CRBN: variants seen among roughly 807,000 people sequenced by gnomAD.
The protein encoded by CRBN is cereblon.
In CRBN, 53 loss-of-function variants were observed where a neutral mutation model predicts 62.2. The observed-to-expected ratio is 0.85, with a 90% confidence interval of 0.68 to 1.07. CRBN has a LOEUF of 1.07. CRBN is among the 50% of genes least tolerant of loss of function. The pLI is 0.00. For synonymous variants in CRBN, 208 were observed against 176.1 expected (o/e 1.18, Z -1.43); for missense variants, 616 against 531.1 (o/e 1.16, Z -1.57).
At chr3:3,156,340 G>C in intron 5 of CRBN, 59 bp from the exon 6 acceptor site, 1 of 1,436,292 alleles carries the variant, frequency 7.0e-7, no homozygotes, top group East Asian at 2.3e-5. Flanking sequence ...TCTAATGCTG[G>C]AATGAGCAAC....
At chr3:3,157,987 C>A (rs1706976002) in intron 5 of CRBN, among the ~76,000 whole-genome samples, 1 of 152,122 alleles carries the variant, frequency 6.6e-6, no homozygotes. Flanking sequence ...AAAACACGAC[C>A]TACAGCTCAA....
chr3:3,179,529 C>A (rs1707981625), intron 1 of CRBN, 92 bp downstream of exon 1: 2 of 1,286,880 alleles, frequency 1.6e-6, no homozygotes, highest in South Asian at 1.2e-5. Flanking sequence ...AGGCTTGGCG[C>A]CCCCACGCCC....
chr3:3,151,116 A>T (rs1221081101), intron 10 of CRBN, 71 bp from the exon 11 acceptor site: 17 of 1,520,194 alleles, frequency 1.1e-5, no homozygotes, highest in Non-Finnish European at 1.5e-5. Context: ...TAAACCTATC[A>T]TGAAGACAGA....
Position 3,175,288 on chromosome 3 carries a change from G to GT in CRBN, c.68-20dup, listed in dbSNP as rs1480746186. The GT allele has an allele frequency of 1.3e-6, 2 of 1,492,222 alleles. No homozygotes were observed. Among genetic ancestry groups the GT allele is most frequent in the Admixed American group, 1.7e-5 (1 of 57,914 alleles). The allele number at this position is 1,492,222 out of a possible 1,614,324, so 92.4% of individuals were successfully genotyped here. On this transcript the variant is annotated intron_variant, in intron 1 of 10. Transcript: ENST00000231948. ...CTCTCTGCTATAAAAGTAGAATATT[G>GT]TAAGAAAAAAAAAAAGATGAATGAA... is the stretch of plus-strand genomic sequence containing the variant.
intron 5 of CRBN, among the ~76,000 whole-genome samples, chr3:3,164,074 G>C (rs772724636): frequency 6.6e-6 from 1 of 152,124 alleles, no homozygotes; most frequent in Non-Finnish European, 1.5e-5. Context: ...AATGTGTTTT[G>C]ATTGCTCCAC....
chr3:3,152,516 T>TA lies in CRBN; in HGVS notation c.1087dup (p.Tyr363LeufsTer2). The stretch of plus-strand genomic sequence containing the variant: ...TATCAGATTCAAGTTGCAAGCCTTA[T>TA]ACACAGTAAGTGTCTCATGCACATA... On this transcript the variant is annotated frameshift_variant, in exon 10 of 11. Coordinates refer to ENST00000231948, the MANE Select transcript of CRBN (RefSeq NM_016302.4). LOFTEE classifies it high-confidence loss of function. 2 of 1,614,074 alleles carry TA rather than the reference T, an allele frequency of 1.2e-6. No homozygotes were observed. Among genetic ancestry groups the TA allele is most frequent in the Non-Finnish European group, 8.5e-7 (1 of 1,179,982 alleles).
chr3:3,158,216 C>G (rs1245217844), intron 5 of CRBN, among the ~76,000 whole-genome samples: 1 of 152,184 alleles, frequency 6.6e-6, no homozygotes, highest in African/African-American at 2.4e-5. Flanking sequence ...AGATCCCTCC[C>G]ATGCGCAGTT....
In CRBN at chr3:3,179,613, G is replaced by C. The variant is rs1422796615; in HGVS notation, c.67+8C>G. On this transcript the variant is annotated splice_region_variant and intron_variant, in intron 1 of 10. Transcript: ENST00000231948. ...TCCCGACTACAGGGAACTACTCCGGGCGGTTACCAGGCAGGAGCGGCAGGT... is the reference window on the plus strand; with the variant it reads ...TCCCGACTACAGGGAACTACTCCGGCCGGTTACCAGGCAGGAGCGGCAGGT... The C allele has an allele frequency of 6.2e-7, 1 of 1,613,470 alleles. No individual in the cohort carries two copies. The highest frequency in any genetic ancestry group is 2.2e-5 in the East Asian group (1 of 44,864).
chr3:3,179,353 A>C (rs1707969605), intron 1 of CRBN, among the ~76,000 whole-genome samples: 1 of 152,156 alleles, frequency 6.6e-6, no homozygotes, highest in Non-Finnish European at 1.5e-5. Flanking sequence ...GAACACAAGG[A>C]GGATGGAGAG....
intron 1 of CRBN, among the ~76,000 whole-genome samples, chr3:3,177,464 T>C (rs1707872364): frequency 6.6e-6 from 1 of 152,230 alleles, no homozygotes; most frequent in Non-Finnish European, 1.5e-5. Flanking sequence ...TAACACTTCA[T>C]ACAAATTTTC....
chr3:3,165,818 A>C (rs1324616787), intron 5 of CRBN, among the ~76,000 whole-genome samples: 1 of 152,184 alleles, frequency 6.6e-6, no homozygotes, highest in Non-Finnish European at 1.5e-5. Flanking sequence ...CACTACGTGA[A>C]TATTCAGATG....
intron 5 of CRBN, among the ~76,000 whole-genome samples, chr3:3,163,455 C>CA (rs35946356): frequency 0.18 from 27,034 of 152,084 alleles, 3,510 homozygotes; most frequent in East Asian, 0.72. Flanking sequence ...AGTGGCAACC[C>CA]AGTTGCATGG....
chr3:3,171,578 A>G (rs1669325), intron 4 of CRBN, among the ~76,000 whole-genome samples: 139,931 of 152,172 alleles, frequency 0.92, 65,477 homozygotes, highest in East Asian at 1. Context: ...ATGTTCTGGA[A>G]AAGTACCTGG....
At chr3:3,165,877 G>C (rs1205688064) in intron 5 of CRBN, among the ~76,000 whole-genome samples, 1 of 152,118 alleles carries the variant, frequency 6.6e-6, no homozygotes, top group East Asian at 1.9e-4. Context: ...TATTTCAGTA[G>C]CAAACCAGTG....
At position 3,150,335 on chromosome 3, in the gene CRBN, T is replaced by A. The variant is rs1249429867; in HGVS notation, c.*530A>T. The A allele has an allele frequency of 6.6e-6, 1 of 152,306 alleles. No individual in the cohort carries two copies. Among genetic ancestry groups the A allele is most frequent in the Non-Finnish European group, 1.5e-5 (1 of 68,194 alleles). The allele number at this position is 152,306 out of a possible 1,614,324, so 9.4% of individuals were successfully genotyped here. A position where few individuals can be genotyped will look rare whatever the true frequency, so the allele number is the denominator to read the frequency against. On this transcript the variant is annotated 3_prime_UTR_variant, in exon 11 of 11. Transcript: ENST00000231948. The stretch of plus-strand genomic sequence containing the variant: ...TTTACAAATCAGTATCTCAGAGAAG[T>A]TAAAGAAAATGGAAAGGAACAAAGC...
At chr3:3,161,974 T>G (rs994150417) in intron 5 of CRBN, among the ~76,000 whole-genome samples, 2 of 152,106 alleles carry the variant, frequency 1.3e-5, no homozygotes, top group Non-Finnish European at 2.9e-5. Context: ...AAGAAAGAAA[T>G]AAGAACATTT....
chr3:3,176,055 C>G (rs1354221759), intron 1 of CRBN, among the ~76,000 whole-genome samples: 1 of 152,122 alleles, frequency 6.6e-6, no homozygotes, highest in Non-Finnish European at 1.5e-5. Context: ...TCACATTGTA[C>G]CCTTCGGAAG....
intron 10 of CRBN, 138 bp downstream of exon 10, chr3:3,152,318 A>G (rs1191816074): frequency 6.3e-6 from 6 of 958,548 alleles, no homozygotes; most frequent in Non-Finnish European, 9.6e-6. Context: ...ATACCCGGCT[A>G]ATTTTTGTAG....
At chr3:3,173,983 G>C in intron 3 of CRBN, 76 bp downstream of exon 3, 1 of 1,248,174 alleles carries the variant, frequency 8.0e-7, no homozygotes, top group South Asian at 1.2e-5. Flanking sequence ...ATAACAGCCT[G>C]CTTTGGCTTC....
Sources: allele counts gnomAD v4.1 joint callset (sites outside exome capture counted in the v4.1 genomes callset), GRCh38; gene constraint gnomAD v4.1.1; transcripts MANE v1.5; gene names NCBI Gene and HGNC (gene_info 2026-07-23, HGNC 2026-07-21).